The following BDP1 variants were observed in gnomAD, a reference collection of about 807,000 sequenced individuals.
BDP1 encodes the protein BDP1 general transcription factor IIIB subunit.
A neutral mutation model predicts 266.6 loss-of-function variants in BDP1; 169 were observed. That is an observed-to-expected ratio of 0.63 (90% confidence interval 0.56 to 0.72). BDP1 has a LOEUF of 0.72. Ranked by LOEUF, BDP1 falls within the 30% of genes least tolerant of loss-of-function variation. The probability of loss-of-function intolerance (pLI) is 0.00; values close to 1 mark genes in which losing one functional copy is unlikely to be tolerated. For synonymous variants in BDP1, 1,090 were observed against 1,022.4 expected, an observed-to-expected ratio of 1.07 and a Z score of -1.26; for missense variants, 3,015 against 3,053.8, an observed-to-expected ratio of 0.99 and a Z score of 0.30.
At position 71,516,059 on chromosome 5, in the gene BDP1, A is replaced by C; in HGVS notation, c.4650-2A>C. 1 of 1,597,422 alleles carries C rather than the reference A, an allele frequency of 6.3e-7. No individual in the cohort carries two copies. Among genetic ancestry groups the C allele is most frequent in the Non-Finnish European group, 8.5e-7 (1 of 1,171,002 alleles). ...TGCCTTTCTCCCTGTCCCCTTGTTT[A>C]GGACTAATAATGTAAACACTTTCCA... On this transcript the variant is annotated splice_acceptor_variant, in intron 20 of 38. Transcript: ENST00000358731. LOFTEE classifies it high-confidence loss of function.
intron 32 of BDP1, among the ~76,000 whole-genome samples, 161 bp from the exon 33 acceptor site, chr5:71,548,521 T>C (rs1025228435): frequency 6.6e-6 from 1 of 152,192 alleles, no homozygotes; most frequent in Non-Finnish European, 1.5e-5. Context: ...TTTAAATGAA[T>C]CAAAAGTTTA....
intron 7 of BDP1, among the ~76,000 whole-genome samples, chr5:71,471,057 A>G (rs1398177714): frequency 6.6e-6 from 1 of 151,930 alleles, no homozygotes; most frequent in East Asian, 1.9e-4. Context: ...ACCAATAAAA[A>G]TGCACTGCAA....
chr5:71,485,521 T>G (rs890324190), intron 8 of BDP1, among the ~76,000 whole-genome samples: 2 of 152,158 alleles, frequency 1.3e-5, no homozygotes, highest in African/African-American at 4.8e-5. Flanking sequence ...TTGGGTTTAG[T>G]TTCCAGAGAT....
intron 7 of BDP1, among the ~76,000 whole-genome samples, chr5:71,473,115 G>T (rs1410677176): frequency 6.6e-6 from 1 of 151,408 alleles, no homozygotes; most frequent in Non-Finnish European, 1.5e-5. Flanking sequence ...GGACTCCTGT[G>T]CCCAAGTGAT....
At chr5:71,558,314 T>A (rs1044793238) in intron 36 of BDP1, among the ~76,000 whole-genome samples, 4 of 152,018 alleles carry the variant, frequency 2.6e-5, no homozygotes, top group African/African-American at 9.7e-5. Context: ...GGTGAGTGGA[T>A]CACCTGAGGT....
chr5:71,525,868 A>G (rs948425266), intron 25 of BDP1, among the ~76,000 whole-genome samples: 10 of 150,672 alleles, frequency 6.6e-5, no homozygotes, highest in Non-Finnish European at 1.5e-4. Context: ...GGGGCTGCTC[A>G]CTTCTCAGAT....
chr5:71,542,243 G>T lies in BDP1; in HGVS notation c.6390G>T (p.Gly2130=). The change falls in exon 30 of 39, where the codon GGG becomes GGT. Residue 2130 remains glycine (G), a synonymous_variant. Coordinates refer to ENST00000358731, the MANE Select transcript of BDP1 (RefSeq NM_018429.3). ...TTTCCAGTTTGTGTGTAACCAAAGGGGCAGAAATGGAAACTCAAAGAGGTA... is the reference window on the plus strand; with the variant it reads ...TTTCCAGTTTGTGTGTAACCAAAGGTGCAGAAATGGAAACTCAAAGAGGTA... The part of the protein sequence containing the change: ...QEVSSLCVTK[G]AEMETQRETE... 1 of 1,609,620 alleles carries T rather than the reference G, an allele frequency of 6.2e-7. No individual in the cohort carries two copies. Among genetic ancestry groups the T allele is most frequent in the Non-Finnish European group, 8.5e-7 (1 of 1,178,876 alleles).
At chr5:71,459,966 A>G (rs1206095063) in intron 2 of BDP1, among the ~76,000 whole-genome samples, 1 of 152,238 alleles carries the variant, frequency 6.6e-6, no homozygotes, top group Non-Finnish European at 1.5e-5. Context: ...AATGTGAAAA[A>G]ATCCAAAATG....
rs72759443 is a variant in BDP1 at position 71,544,904 on chromosome 5, A to G, written c.6564-135A>G. The G allele has an allele frequency of 0.069, 30,013 of 433,172 alleles. 1,138 individuals are homozygous for G. The highest frequency in any genetic ancestry group is 0.1 in the South Asian group (4,076 of 39,880). 26.8% of individuals were successfully genotyped at this position (433,172 alleles called of 1,614,324 possible). ...CAAAAAAAAAAAAAAAAAAAAAAAA[A>G]AAGTCCTATTGCATTAAATATGTTT... On this transcript the variant is annotated intron_variant, in intron 31 of 38. Coordinates refer to ENST00000358731, the MANE Select transcript of BDP1 (RefSeq NM_018429.3).
intron 16 of BDP1, among the ~76,000 whole-genome samples, chr5:71,506,802 C>A (rs1474219822): frequency 7.4e-6 from 1 of 135,960 alleles, no homozygotes; most frequent in African/African-American, 2.7e-5. Context: ...CACACACACA[C>A]ACACACACAC....
intron 24 of BDP1, 43 bp from the exon 25 acceptor site, chr5:71,523,896 T>C: frequency 6.6e-7 from 1 of 1,511,552 alleles, no homozygotes; most frequent in Non-Finnish European, 8.9e-7. Context: ...AAAATTATCC[T>C]TGCATGCATA....
Position 71,522,899 on chromosome 5 carries a change from T to C in BDP1, c.5337T>C (p.Asp1779=), listed in dbSNP as rs1765581391. The C allele has an allele frequency of 6.2e-7, 1 of 1,608,602 alleles. No individual in the cohort carries two copies. The highest frequency in any genetic ancestry group is 1.7e-5 in the Admixed American group (1 of 58,872). Residue 1779 remains aspartate, a synonymous_variant, in exon 24 of 39, where the codon GAT becomes GAC. Transcript: ENST00000358731. Reference sequence around the variant, plus strand: ...GGGTTGGAGAGGAAACTGTAGGAGATAATTCACCATCTTCAGTTGTTGAAG... The same window carrying C: ...GGGTTGGAGAGGAAACTGTAGGAGACAATTCACCATCTTCAGTTGTTGAAG... ...SRRVGEETVG[D]NSPSSVVEEQ...
chr5:71,468,586 AAATT>A (rs1275483210), intron 6 of BDP1, among the ~76,000 whole-genome samples: 1 of 150,856 alleles, frequency 6.6e-6, no homozygotes, highest in Non-Finnish European at 1.5e-5. Flanking sequence ...ATTTAAATAA[AAATT>A]AACAATACAA....
At chr5:71,529,166 C>T (rs1027761043) in intron 25 of BDP1, among the ~76,000 whole-genome samples, 8 of 150,992 alleles carry the variant, frequency 5.3e-5, no homozygotes, top group Admixed American at 1.3e-4. Context: ...TTGAGGTGGG[C>T]GAATCACGAG....
intron 38 of BDP1, among the ~76,000 whole-genome samples, chr5:71,563,387 T>C (rs138859732): frequency 3.0e-4 from 46 of 152,308 alleles, no homozygotes; most frequent in African/African-American, 1.1e-3. Context: ...GCCTCAAGCC[T>C]TGGCCTCCCA....
chr5:71,571,931 C>A (rs1166557116), downstream of BDP1, among the ~76,000 whole-genome samples: 1 of 152,154 alleles, frequency 6.6e-6, no homozygotes, highest in Non-Finnish European at 1.5e-5. Context: ...GGATTGTGAC[C>A]AACTCAGCAT....
downstream of BDP1, among the ~76,000 whole-genome samples, chr5:71,569,291 ACAAAG>A (rs1295383386): frequency 6.6e-6 from 1 of 152,178 alleles, no homozygotes; most frequent in Admixed American, 6.5e-5. Context: ...TACAAACAAA[ACAAAG>A]CAAAAACTAG....
chr5:71,469,757 G>T (rs1267371573), intron 6 of BDP1, among the ~76,000 whole-genome samples: 1 of 151,136 alleles, frequency 6.6e-6, no homozygotes, highest in African/African-American at 2.4e-5. Context: ...GGGATTACAG[G>T]TGCACGCCAC....
At chr5:71,512,146 G>A in intron 17 of BDP1, 95 bp from the exon 18 acceptor site, 1 of 592,494 alleles carries the variant, frequency 1.7e-6, no homozygotes, top group Non-Finnish European at 2.7e-6. Flanking sequence ...AGTTTTAAAG[G>A]AAAGTGTTTA....
Sources: gnomAD v4.1 joint callset for allele counts (sites outside exome capture counted in the v4.1 genomes callset) on GRCh38, gnomAD v4.1.1 for gene constraint, MANE v1.5 for transcripts, NCBI Gene and HGNC (gene_info 2026-07-23, HGNC 2026-07-21) for gene names.